Variants in VPS13B observed in about 807,000 individuals in gnomAD.
The protein encoded by VPS13B is vacuolar protein sorting 13 homolog B, also known as intermembrane lipid transfer protein VPS13B.
VPS13B carries 285 observed loss-of-function variants against 426.4 expected under a neutral mutation model. That is an observed-to-expected ratio of 0.67 (90% CI 0.61 to 0.74). The LOEUF (loss-of-function observed/expected upper bound fraction) is 0.74, where lower values mean the gene tolerates loss of function less well. Ranked by LOEUF, VPS13B falls within the 30% of genes least tolerant of loss-of-function variation. The pLI is 0.00. For missense variants in VPS13B, 4,537 were observed against 4,782.6 expected, an observed-to-expected ratio of 0.95 and a Z score of 1.51; for synonymous variants, 1,676 against 1,676.4, an observed-to-expected ratio of 1.00 and a Z score of 0.01.
At position 99,467,638 on chromosome 8, in the gene VPS13B, G is replaced by A; in HGVS notation, c.3666+4G>A. Reference sequence around the variant, plus strand: ...GATAAAATGCTCTAATCCCCAGGTTGGTACATTTGATTTATGAAAGGAAAT... The same window carrying A: ...GATAAAATGCTCTAATCCCCAGGTTAGTACATTTGATTTATGAAAGGAAAT... On this transcript the variant is annotated splice_donor_region_variant and intron_variant, in intron 24 of 61. Transcript: ENST00000357162. 1 of 1,607,006 alleles carries A rather than the reference G, an allele frequency of 6.2e-7. No individual in the cohort carries two copies.
At chr8:99,693,182 C>G (rs932861190) in intron 35 of VPS13B, among the ~76,000 whole-genome samples, 9 of 151,118 alleles carry the variant, frequency 6.0e-5, no homozygotes, top group African/African-American at 2.0e-4. Context: ...GGAATCCTCC[C>G]TATCTCATTT....
chr8:99,445,134 C>T (rs927090728), intron 23 of VPS13B, among the ~76,000 whole-genome samples: 2 of 151,428 alleles, frequency 1.3e-5, no homozygotes, highest in Non-Finnish European at 2.9e-5. Context: ...CAAGTATTTT[C>T]TCCTGTTCTA....
chr8:99,081,682 A>G (rs113726647), intron 3 of VPS13B, among the ~76,000 whole-genome samples: 1 of 149,738 alleles, frequency 6.7e-6, no homozygotes. Context: ...TCATTGTTCA[A>G]TTCCCACCTA....
In VPS13B at chr8:99,828,392, C is replaced by CTG. The variant is rs1563495168; in HGVS notation, c.9331-3977_9331-3976insTG. Among the ~76,000 whole-genome samples, 27 of 47,640 alleles carry CTG rather than the reference C, an allele frequency of 5.7e-4. 12 individuals carry two copies. Among genetic ancestry groups the CTG allele is most frequent in the Non-Finnish European group, 5.0e-4 (13 of 25,914 alleles). The allele number at this position is 47,640 out of a possible 152,430, so 31.3% of individuals were successfully genotyped here. On this transcript the variant is annotated intron_variant, in intron 51 of 61. Transcript: ENST00000357162. ...TTATCAGAGACTAGGATTACAACCA[C>CTG]CGTTTTTTTTTTTTTTTTTTTTTTT...
intron 31 of VPS13B, among the ~76,000 whole-genome samples, chr8:99,568,077 A>G (rs1825271927): frequency 6.6e-6 from 1 of 152,146 alleles, no homozygotes; most frequent in South Asian, 2.1e-4. Context: ...TCGAGTAGGA[A>G]CAAGTTGAGC....
At position 99,170,105 on chromosome 8, in the gene VPS13B, G is replaced by C. The variant is rs140848350; in HGVS notation, c.2275G>C (p.Val759Leu). Residue 759 changes from valine (V) to leucine (L), a missense_variant, in exon 16 of 62, where the codon GTT becomes CTT. Transcript: ENST00000357162. ...CSGSYCLPVP[V>L]IPSFSTALYG... ...TGGATCTTACTGCTTACCTGTACCAGTTATTCCCTCTTTCAGCACTGCTCT... is the reference window on the plus strand; with the variant it reads ...TGGATCTTACTGCTTACCTGTACCACTTATTCCCTCTTTCAGCACTGCTCT... 3,793 of 1,612,966 alleles carry C rather than the reference G, an allele frequency of 2.4e-3. 169 individuals carry two copies. In the Admixed American group the frequency reaches 0.06, roughly 25 times the overall value.
At chr8:99,145,822 T>C (rs1563566936) in intron 13 of VPS13B, among the ~76,000 whole-genome samples, 2 of 152,242 alleles carry the variant, frequency 1.3e-5, no homozygotes, top group African/African-American at 2.4e-5. Flanking sequence ...TCAGGATAAA[T>C]TGCTGGGTCA....
intron 25 of VPS13B, among the ~76,000 whole-genome samples, chr8:99,490,510 G>A (rs1820548109): frequency 1.3e-5 from 2 of 152,170 alleles, no homozygotes; most frequent in African/African-American, 2.4e-5. Context: ...GGTAGAATTC[G>A]GCTGTGTATC....
intron 3 of VPS13B, among the ~76,000 whole-genome samples, chr8:99,060,291 T>C (rs1203351697): frequency 6.6e-6 from 1 of 152,144 alleles, no homozygotes; most frequent in Non-Finnish European, 1.5e-5. Context: ...ATATAGTGTG[T>C]TATAAATGTT....
rs1427052234 is a variant in VPS13B at position 99,101,411 on chromosome 8, C to T, written c.413-1542C>T. Among the ~76,000 whole-genome samples the T allele has an allele frequency of 6.6e-5, 10 of 152,276 alleles. No homozygotes were observed. The South Asian group carries it at 8.3e-4, about 13-fold the overall frequency. On this transcript the variant is annotated intron_variant, in intron 4 of 61. Coordinates refer to ENST00000357162, the MANE Select transcript of VPS13B (RefSeq NM_152564.5). ...CCTCCCAAAGTGCTGGGATTACAGGCGTGAGCCACCGTGCTTGGCCCCATT... is the reference window on the plus strand; with the variant it reads ...CCTCCCAAAGTGCTGGGATTACAGGTGTGAGCCACCGTGCTTGGCCCCATT...
chr8:99,636,701 A>C (rs1829085250), intron 33 of VPS13B, among the ~76,000 whole-genome samples: 1 of 152,052 alleles, frequency 6.6e-6, no homozygotes, highest in Non-Finnish European at 1.5e-5. Context: ...GGAAGTATCT[A>C]ATAAGTAAAG....
At chr8:99,785,535 A>T (rs1262814258) in intron 43 of VPS13B, among the ~76,000 whole-genome samples, 5 of 152,056 alleles carry the variant, frequency 3.3e-5, no homozygotes, top group Non-Finnish European at 7.4e-5. Flanking sequence ...TTTCATAAAA[A>T]TTTTTTCACA....
At chr8:99,590,182 T>G (rs974185909) in intron 33 of VPS13B, among the ~76,000 whole-genome samples, 6 of 152,212 alleles carry the variant, frequency 3.9e-5, no homozygotes, top group Non-Finnish European at 8.8e-5. Flanking sequence ...TCAGTGGTGA[T>G]ATCACCTTTA....
At chr8:99,046,704 T>A (rs1843258244) in intron 3 of VPS13B, among the ~76,000 whole-genome samples, 2 of 152,198 alleles carry the variant, frequency 1.3e-5, no homozygotes, top group African/African-American at 2.4e-5. Context: ...TTTATTACAT[T>A]GAGGTATGTT....
intron 19 of VPS13B, among the ~76,000 whole-genome samples, chr8:99,344,891 C>T (rs1208822573): frequency 2.6e-5 from 4 of 151,880 alleles, no homozygotes; most frequent in South Asian, 2.1e-4. Context: ...TTTTCTTTTA[C>T]GGTTTGTGTT....
At chr8:99,326,068 C>T (rs754691140) in intron 19 of VPS13B, among the ~76,000 whole-genome samples, 8 of 152,096 alleles carry the variant, frequency 5.3e-5, no homozygotes, top group Non-Finnish European at 1.0e-4. Context: ...ATTTCTTACT[C>T]TACAGTTTTC....
intron 44 of VPS13B, among the ~76,000 whole-genome samples, chr8:99,809,960 C>T (rs865942800): frequency 1.3e-5 from 2 of 152,164 alleles, no homozygotes; most frequent in African/African-American, 4.8e-5. Flanking sequence ...TGCTGTGATA[C>T]TCTCCCATGA....
At chr8:99,015,082 G>T (rs1841540880) in intron 2 of VPS13B, among the ~76,000 whole-genome samples, 1 of 152,016 alleles carries the variant, frequency 6.6e-6, no homozygotes, top group Admixed American at 6.6e-5. Flanking sequence ...AGTCAATCTA[G>T]ACTTAGCACT....
At chr8:99,187,861 G>A (rs1443869120) in intron 16 of VPS13B, among the ~76,000 whole-genome samples, 2 of 151,876 alleles carry the variant, frequency 1.3e-5, no homozygotes, top group Non-Finnish European at 2.9e-5. Context: ...CCAGTTACTC[G>A]GGTGACTGAG....
Sources: allele counts gnomAD v4.1 joint callset (sites outside exome capture counted in the v4.1 genomes callset), GRCh38; gene constraint gnomAD v4.1.1; transcripts MANE v1.5; gene names NCBI Gene and HGNC (gene_info 2026-07-23, HGNC 2026-07-21).